Variants in TSGA10 observed in about 807,000 individuals in gnomAD.
TSGA10 encodes the protein testis-specific gene 10 protein.
In TSGA10, 43 loss-of-function variants were observed where a neutral mutation model predicts 96.6. The observed-to-expected ratio is 0.44, with a 90% CI of 0.35 to 0.57. TSGA10 has a LOEUF of 0.57. Among genes scored for constraint, TSGA10 ranks in the 20% least tolerant of loss-of-function variants. TSGA10 has a pLI of 0.01. For missense variants in TSGA10, 703 were observed against 834.4 expected, an observed-to-expected ratio of 0.84 and a Z score of 1.94; for synonymous variants, 229 against 269.9, an observed-to-expected ratio of 0.85 and a Z score of 1.48.
chr2:99,013,790 C>T (rs550624347), intron 20 of TSGA10, among the ~76,000 whole-genome samples: 1 of 151,660 alleles, frequency 6.6e-6, no homozygotes, highest in Middle Eastern at 3.2e-3. Context: ...CGAAGACAGG[C>T]GGATCACTTG....
chr2:99,011,402 G>A (rs1036921074), intron 20 of TSGA10, among the ~76,000 whole-genome samples: 2 of 152,138 alleles, frequency 1.3e-5, no homozygotes, highest in African/African-American at 4.8e-5. Context: ...AAAGTGCTGG[G>A]ATTACAGGCA....
chr2:99,114,619 T>C (rs2092097286), intron 4 of TSGA10, among the ~76,000 whole-genome samples: 1 of 152,208 alleles, frequency 6.6e-6, no homozygotes, highest in African/African-American at 2.4e-5. Flanking sequence ...AAATACTCTT[T>C]GCCAAACCAG....
At chr2:99,041,757 T>C (rs1184698901) in intron 16 of TSGA10, among the ~76,000 whole-genome samples, 2 of 152,136 alleles carry the variant, frequency 1.3e-5, no homozygotes. Context: ...CTTCTAGACA[T>C]TGGCTTAGGC....
intron 10 of TSGA10, among the ~76,000 whole-genome samples, chr2:99,082,008 C>T (rs1050132390): frequency 3.9e-5 from 6 of 152,192 alleles, no homozygotes; most frequent in East Asian, 3.9e-4. Flanking sequence ...CTGGGAAAGC[C>T]GGACAAACTC....
At chr2:99,036,797 A>G (rs1329940226) in intron 16 of TSGA10, among the ~76,000 whole-genome samples, 1 of 152,188 alleles carries the variant, frequency 6.6e-6, no homozygotes, top group Non-Finnish European at 1.5e-5. Flanking sequence ...GTTAATGCTA[A>G]TAAAAGGAAA....
intron 10 of TSGA10, among the ~76,000 whole-genome samples, chr2:99,100,379 A>G (rs1017455476): frequency 2.0e-5 from 3 of 152,228 alleles, no homozygotes; most frequent in Non-Finnish European, 4.4e-5. Flanking sequence ...AAACACATAC[A>G]TAGATATTTA....
At chr2:99,102,161 T>C in intron 10 of TSGA10, 4 of 1,525,528 alleles carry the variant, frequency 2.6e-6, no homozygotes, top group Non-Finnish European at 2.7e-6. Context: ...TGAATATACT[T>C]GAACTTCGGA....
At position 98,997,876 on chromosome 2, in the gene TSGA10, G is replaced by A; in HGVS notation, c.*321C>T. 4.3e-6 allele frequency: 1 copy of A among 230,428 alleles called. No individual in the cohort carries two copies. Among genetic ancestry groups the A allele is most frequent in the African/African-American group, 2.2e-5 (1 of 44,660 alleles). The allele number at this position is 230,428 out of a possible 1,614,324, so 14.3% of individuals were successfully genotyped here. A position where few individuals can be genotyped will look rare whatever the true frequency, so the allele number is the denominator to read the frequency against. ...CAAGAAAGGAAAGGAAAGCAGTTTT[G>A]TAAAAACACTTTTCCCTGTTTTAAT... On this transcript the variant is annotated 3_prime_UTR_variant, in exon 21 of 21. Coordinates refer to ENST00000393483, the MANE Select transcript of TSGA10 (RefSeq NM_025244.4).
chr2:99,072,289 A>G (rs950270713), intron 13 of TSGA10, among the ~76,000 whole-genome samples: 1 of 152,106 alleles, frequency 6.6e-6, no homozygotes, highest in Non-Finnish European at 1.5e-5. Flanking sequence ...CTCTATTCAT[A>G]TCCATGGTTC....
intron 1 of TSGA10, among the ~76,000 whole-genome samples, chr2:99,145,678 TA>T (rs1196877754): frequency 6.6e-6 from 1 of 152,152 alleles, no homozygotes. Flanking sequence ...CCACATAACA[TA>T]ACATAGTCCC....
chr2:99,124,566 G>A lies in TSGA10; in HGVS notation c.-492+2482C>T, dbSNP rs1188455900. Among the ~76,000 whole-genome samples, 4 of 151,808 alleles carry A rather than the reference G, an allele frequency of 2.6e-5. No homozygotes were observed. In the East Asian group the frequency reaches 7.7e-4, roughly 29 times the overall value. On this transcript the variant is annotated intron_variant, in intron 2 of 20. Coordinates refer to ENST00000393483, the MANE Select transcript of TSGA10 (RefSeq NM_025244.4). ...ATGTGGTATATTTGTTACAATTGAT[G>A]AAATAATACTGTTACATTATATATA...
intron 20 of TSGA10, 126 bp downstream of exon 20, chr2:99,018,074 T>C: frequency 1.2e-6 from 1 of 808,514 alleles, no homozygotes; most frequent in East Asian, 2.8e-5. Context: ...TATCAATATA[T>C]CTTGGTAATC....
At chr2:99,153,485 G>GT (rs2105168709) in intron 1 of TSGA10, among the ~76,000 whole-genome samples, 1 of 152,262 alleles carries the variant, frequency 6.6e-6, no homozygotes, top group South Asian at 2.1e-4. Context: ...GTAGGTAAAG[G>GT]TAAGAATAAC....
chr2:99,073,440 T>C (rs1403708309), intron 12 of TSGA10, among the ~76,000 whole-genome samples: 1 of 152,198 alleles, frequency 6.6e-6, no homozygotes, highest in African/African-American at 2.4e-5. Flanking sequence ...ATACTGGGAT[T>C]TAGAACTGGT....
At chr2:99,127,744 C>CA in intron 1 of TSGA10, among the ~76,000 whole-genome samples, 1 of 152,060 alleles carries the variant, frequency 6.6e-6, no homozygotes. Context: ...CATCACATGG[C>CA]AAAGATCAGT....
intron 14 of TSGA10, among the ~76,000 whole-genome samples, chr2:99,070,878 A>G (rs1322036032): frequency 6.6e-6 from 1 of 152,164 alleles, no homozygotes; most frequent in Non-Finnish European, 1.5e-5. Context: ...ATAAGCCAAT[A>G]TTGACACATT....
intron 9 of TSGA10, among the ~76,000 whole-genome samples, chr2:99,104,476 T>TA (rs1262996969): frequency 3.9e-5 from 6 of 152,018 alleles, no homozygotes; most frequent in Admixed American, 3.9e-4. Context: ...TCCTGTCTAG[T>TA]AATTTTTTTT....
At chr2:99,013,889 A>G (rs958490367) in intron 20 of TSGA10, among the ~76,000 whole-genome samples, 1 of 151,996 alleles carries the variant, frequency 6.6e-6, no homozygotes, top group African/African-American at 2.4e-5. Flanking sequence ...GCAGTGCCTC[A>G]TGCCTGTAAT....
intron 16 of TSGA10, among the ~76,000 whole-genome samples, chr2:99,056,988 T>C (rs1573923733): frequency 6.6e-6 from 1 of 152,144 alleles, no homozygotes; most frequent in East Asian, 1.9e-4. Flanking sequence ...ATAATCTCAA[T>C]AGACACAGAA....
Sources: gnomAD v4.1 joint callset for allele counts (sites outside exome capture counted in the v4.1 genomes callset) on GRCh38, gnomAD v4.1.1 for gene constraint, MANE v1.5 for transcripts, NCBI Gene and HGNC (gene_info 2026-07-23, HGNC 2026-07-21) for gene names.